Variants in PLEKHA8 observed in about 807,000 individuals in gnomAD.
PLEKHA8 encodes the protein pleckstrin homology domain-containing family A member 8.
Under a neutral mutation model 68.2 loss-of-function variants are expected in PLEKHA8, and 36 were observed. The observed-to-expected ratio is 0.53, with a 90% CI of 0.40 to 0.70. The LOEUF is 0.70. PLEKHA8 is among the 30% of genes least tolerant of loss of function. The probability of loss-of-function intolerance (pLI) is 0.00; values close to 1 mark genes in which losing one functional copy is unlikely to be tolerated. For missense variants in PLEKHA8, 505 were observed against 615.4 expected, an observed-to-expected ratio of 0.82 and a Z score of 1.90; for synonymous variants, 211 against 216.1, an observed-to-expected ratio of 0.98 and a Z score of 0.20.
intron 1 of PLEKHA8, among the ~76,000 whole-genome samples, chr7:30,042,748 TCTTC>T (rs1562856617): frequency 6.6e-6 from 1 of 152,220 alleles, no homozygotes; most frequent in African/African-American, 2.4e-5. Context: ...TTCAAAGACC[TCTTC>T]CTTTTCTCAG....
intron 7 of PLEKHA8, among the ~76,000 whole-genome samples, chr7:30,053,081 C>G (rs1792553138): frequency 6.6e-6 from 1 of 152,192 alleles, no homozygotes; most frequent in Non-Finnish European, 1.5e-5. Context: ...GAGGAAGATT[C>G]CTGCTCAGTG....
intron 13 of PLEKHA8, among the ~76,000 whole-genome samples, chr7:30,097,942 C>T (rs1795691493): frequency 6.6e-6 from 1 of 152,088 alleles, no homozygotes; most frequent in Non-Finnish European, 1.5e-5. Flanking sequence ...CTGTTTTTTC[C>T]CCATCTTTGT....
At chr7:30,069,453 T>G (rs896398390) in intron 12 of PLEKHA8, among the ~76,000 whole-genome samples, 1 of 152,224 alleles carries the variant, frequency 6.6e-6, no homozygotes, top group African/African-American at 2.4e-5. Flanking sequence ...AAAAACACTT[T>G]CCTGTATACA....
chr7:30,045,005 G>A, intron 1 of PLEKHA8, 80 bp from the exon 2 acceptor site: 2 of 956,350 alleles, frequency 2.1e-6, no homozygotes, highest in South Asian at 1.7e-5. Context: ...AGTATCCTAT[G>A]TTAGGCTCTA....
At chr7:30,075,360 C>T (rs1473269144) in intron 13 of PLEKHA8, among the ~76,000 whole-genome samples, 1 of 152,164 alleles carries the variant, frequency 6.6e-6, no homozygotes, top group Non-Finnish European at 1.5e-5. Flanking sequence ...ATAATGGCTA[C>T]CATGTAGCTA....
intron 1 of PLEKHA8, among the ~76,000 whole-genome samples, chr7:30,032,820 T>G (rs1310788450): frequency 6.6e-6 from 1 of 152,248 alleles, no homozygotes; most frequent in Non-Finnish European, 1.5e-5. Context: ...GTCCTTTTCC[T>G]GCCCACTCAG....
intron 13 of PLEKHA8, among the ~76,000 whole-genome samples, chr7:30,116,295 C>CATACATGT (rs1796557600): frequency 1.3e-5 from 2 of 150,960 alleles, no homozygotes; most frequent in South Asian, 2.1e-4. Context: ...TGTATGTATT[C>CATACATGT]ATACATGTAT....
At position 30,028,483 on chromosome 7, in the gene PLEKHA8, C is replaced by T. The variant is rs1446790130; in HGVS notation, c.-280C>T. ...TTGGAGGCTTCGGCTGCCCCTCCGA[C>T]CCACGTAGGGCCCGGACCCGGGCCT... On this transcript the variant is annotated 5_prime_UTR_variant, in exon 1 of 14. Transcript: ENST00000449726. 1 of 344,458 alleles carries T rather than the reference C, an allele frequency of 2.9e-6. No homozygotes were observed. The highest frequency in any genetic ancestry group is 4.8e-5 in the Admixed American group (1 of 20,868). The allele number at this position is 344,458 out of a possible 1,614,324, so 21.3% of individuals were successfully genotyped here.
At chr7:30,072,117 C>A (rs1006207774) in intron 12 of PLEKHA8, 1 of 152,188 alleles carries the variant, frequency 6.6e-6, no homozygotes, top group African/African-American at 2.4e-5. Context: ...TTTACTCAGA[C>A]TGTTCTCCTA....
chr7:30,092,003 G>A (rs2128006214), downstream of PLEKHA8, among the ~76,000 whole-genome samples: 1 of 152,278 alleles, frequency 6.6e-6, no homozygotes, highest in Middle Eastern at 3.4e-3. Flanking sequence ...GAAGCCCGTG[G>A]AAGCCCTGTA....
intron 1 of PLEKHA8, among the ~76,000 whole-genome samples, chr7:30,042,443 A>G (rs2127968233): frequency 6.6e-6 from 1 of 152,344 alleles, no homozygotes; most frequent in Non-Finnish European, 1.5e-5. Flanking sequence ...TGCCTTCTAC[A>G]CAAAAGTCAT....
In PLEKHA8 at chr7:30,107,060, TGA is replaced by T. The variant is rs1405089090; in HGVS notation, c.1363-22203_1363-22202del. 2.0e-5 allele frequency among the ~76,000 whole-genome samples: 3 copies of T among 152,286 alleles called. No individual in the cohort carries two copies. In the East Asian group the frequency reaches 5.8e-4, roughly 29 times the overall value. On this transcript the variant is annotated intron_variant, in intron 13 of 13. Coordinates refer to the PLEKHA8 transcript ENST00000396257. Reference sequence around the variant, plus strand: ...AATTTAAGGATCATCTTTTCTATTTTGAGAAATACCTTATTAGAATATTTATT... The same window carrying T: ...AATTTAAGGATCATCTTTTCTATTTTGAAATACCTTATTAGAATATTTATT...
rs1487705843 is a variant in PLEKHA8 at position 30,051,554 on chromosome 7, AC to A, written c.638+1082del. Among the ~76,000 whole-genome samples the A allele has an allele frequency of 2.0e-5, 3 of 152,022 alleles. No homozygotes were observed. The East Asian group carries it at 5.8e-4, about 29-fold the overall frequency. On this transcript the variant is annotated intron_variant, in intron 6 of 13. Coordinates refer to ENST00000449726, the MANE Select transcript of PLEKHA8 (RefSeq NM_001197026.2). ...ATAATATATTATGATCGTTCCTTTA[AC>A]CGATAGAATTACCTGTTCTACTTGC...
chr7:30,073,391 T>C (rs1363426229), intron 12 of PLEKHA8, among the ~76,000 whole-genome samples: 4 of 152,078 alleles, frequency 2.6e-5, no homozygotes, highest in Non-Finnish European at 4.4e-5. Flanking sequence ...AGGGACTGGC[T>C]CACGGTCACA....
chr7:30,031,950 A>T (rs1583757506), intron 1 of PLEKHA8, among the ~76,000 whole-genome samples: 1 of 151,930 alleles, frequency 6.6e-6, no homozygotes, highest in Non-Finnish European at 1.5e-5. Flanking sequence ...CAGGTACTCT[A>T]TCCTCCTTCA....
At chr7:30,065,308 G>A (rs1793758054) in intron 12 of PLEKHA8, among the ~76,000 whole-genome samples, 1 of 152,062 alleles carries the variant, frequency 6.6e-6, no homozygotes, top group Non-Finnish European at 1.5e-5. Flanking sequence ...AGGTGTTTAT[G>A]ATTTAAATCC....
At chr7:30,066,852 C>G (rs1793880751) in intron 12 of PLEKHA8, among the ~76,000 whole-genome samples, 1 of 152,094 alleles carries the variant, frequency 6.6e-6, no homozygotes, top group African/African-American at 2.4e-5. Flanking sequence ...AAAGGATGCT[C>G]AGTCATGTAT....
intron 13 of PLEKHA8, chr7:30,118,082 G>T (rs1221164624): frequency 7.1e-7 from 1 of 1,415,372 alleles, no homozygotes; most frequent in African/African-American, 1.5e-5. Flanking sequence ...CATCACATCT[G>T]GGTGACGCCT....
intron 13 of PLEKHA8, chr7:30,129,156 C>T (rs189863912): frequency 1.3e-6 from 2 of 1,482,286 alleles, no homozygotes; most frequent in Admixed American, 3.4e-5. Context: ...TGAAAAACTA[C>T]TGATACAAAG....
Sources: allele counts gnomAD v4.1 joint callset (sites outside exome capture counted in the v4.1 genomes callset), GRCh38; gene constraint gnomAD v4.1.1; transcripts MANE v1.5; gene names NCBI Gene and HGNC (gene_info 2026-07-23, HGNC 2026-07-21).